FRMD1: variants seen among roughly 807,000 people sequenced by gnomAD.
FRMD1 encodes the protein FERM domain containing 1, also known as FERM domain-containing protein 1.
In FRMD1, 51 loss-of-function variants were observed where a neutral mutation model predicts 54.9. The observed-to-expected ratio is 0.93, with a 90% CI of 0.74 to 1.17. FRMD1 has a LOEUF of 1.17. Ranked by LOEUF, FRMD1 falls within the 50% of genes most tolerant of loss-of-function variation. FRMD1 has a pLI of 0.00. For synonymous variants in FRMD1, 324 were observed against 306.4 expected (o/e 1.06, Z -0.60); for missense variants, 729 against 743.0 (o/e 0.98, Z 0.22).
Position 168,056,959 on chromosome 6 carries a change from C to T in FRMD1, c.*138G>A. 1 of 1,065,886 alleles carries T rather than the reference C, an allele frequency of 9.4e-7. No homozygotes were observed. Among genetic ancestry groups the T allele is most frequent in the Non-Finnish European group, 1.3e-6 (1 of 789,340 alleles). The allele number at this position is 1,065,886 out of a possible 1,614,324, so 66.0% of individuals were successfully genotyped here. A position where few individuals can be genotyped will look rare whatever the true frequency, so the allele number is the denominator to read the frequency against. On this transcript the variant is annotated 3_prime_UTR_variant, in exon 11 of 11. Transcript: ENST00000283309. ...GTCAGAGCCAGCTCCACACCTCTTA[C>T]AGGTGAACCTGTGGAGCGTGCTGGC...
At chr6:168,077,315 C>T (rs923440028) in intron 1 of FRMD1, among the ~76,000 whole-genome samples, 13 of 150,210 alleles carry the variant, frequency 8.7e-5, no homozygotes, top group East Asian at 2.0e-4. Context: ...CAGACATAGA[C>T]GACTGCAAAC....
Position 168,060,804 on chromosome 6 carries a change from G to A in FRMD1, c.1299C>T (p.Pro433=), listed in dbSNP as rs1345304749. Residue 433 remains proline (P), a synonymous_variant, in exon 9 of 11, where the codon CCC becomes CCT. Coordinates refer to ENST00000283309, the MANE Select transcript of FRMD1 (RefSeq NM_024919.6). ...GLHEKEPSSS[P]RTSRSHPSTR... ...TGCTGGGGTGGCTGCGGCTGGTCCT[G>A]GGGCTGGAGGACGGCTCCTTCTCAT... is the stretch of plus-strand genomic sequence containing the variant. 1.9e-6 allele frequency: 3 copies of A among 1,612,852 alleles called. No individual in the cohort carries two copies. Among genetic ancestry groups the A allele is most frequent in the African/African-American group, 2.7e-5 (2 of 74,916 alleles).
chr6:168,067,307 C>T (rs529700015), intron 3 of FRMD1, 60 bp downstream of exon 3: 16 of 1,108,600 alleles, frequency 1.4e-5, no homozygotes, highest in East Asian at 2.4e-5. Context: ...CACGTGTCCC[C>T]GTGGCCCAGC....
Position 168,068,957 on chromosome 6 carries a change from G to C in FRMD1, c.305-1511C>G, listed in dbSNP as rs147140574. Among the ~76,000 whole-genome samples, 52 of 152,326 alleles carry C rather than the reference G, an allele frequency of 3.4e-4. No individual in the cohort carries two copies. The East Asian group carries it at 9.8e-3, about 29-fold the overall frequency. On this transcript the variant is annotated intron_variant, in intron 2 of 10. Coordinates refer to ENST00000283309, the MANE Select transcript of FRMD1 (RefSeq NM_024919.6). ...TTAGTACCTGGCTCTTCTAGACGGC[G>C]TTAGACCCAGGGGGAGGCTCCAAGG...
At chr6:168,077,899 T>A (rs997916612) in intron 1 of FRMD1, among the ~76,000 whole-genome samples, 3 of 152,182 alleles carry the variant, frequency 2.0e-5, no homozygotes, top group Non-Finnish European at 4.4e-5. Context: ...CAACTCCAGC[T>A]TCTCGTTGCT....
chr6:168,073,136 A>G (rs1178765221), intron 2 of FRMD1, among the ~76,000 whole-genome samples: 1 of 152,194 alleles, frequency 6.6e-6, no homozygotes, highest in Non-Finnish European at 1.5e-5. Flanking sequence ...CAAGACTGAC[A>G]TCTGCTGCTC....
At chr6:168,089,431 C>T (rs1013948888) in intron 1 of FRMD1, among the ~76,000 whole-genome samples, 92 of 152,358 alleles carry the variant, frequency 6.0e-4, no homozygotes, top group African/African-American at 2.0e-3. Context: ...GTTCAGGGAC[C>T]AGCCTTGAGA....
At chr6:168,073,980 C>T (rs532535242) in intron 2 of FRMD1, among the ~76,000 whole-genome samples, 1 of 152,216 alleles carries the variant, frequency 6.6e-6, no homozygotes, top group Non-Finnish European at 1.5e-5. Context: ...TCATCTCCAT[C>T]TGTCCATGCC....
At chr6:168,068,689 A>T (rs2114989532) in intron 2 of FRMD1, among the ~76,000 whole-genome samples, 1 of 152,360 alleles carries the variant, frequency 6.6e-6, no homozygotes, top group East Asian at 1.9e-4. Context: ...ACTCTTATTT[A>T]TATTAGAAAA....
intron 1 of FRMD1, chr6:168,076,006 C>T (rs1470823073): frequency 3.4e-6 from 3 of 890,844 alleles, no homozygotes; most frequent in Non-Finnish European, 3.4e-6. Context: ...TACTTCACGC[C>T]TGTTCAGCCC....
chr6:168,057,304 C>T lies in FRMD1; in HGVS notation c.1443G>A (p.Gln481=). ...GCATGTCGTCCAGGCCATGGCTGTG[C>T]TGCTCCTCACTGACCCCGGCTGTCA... ...QEMTAGVSEE[Q]HSHGLDDMQL... Residue 481 remains glutamine, a synonymous_variant, in exon 11 of 11, where the codon CAG becomes CAA. Coordinates refer to ENST00000283309, the MANE Select transcript of FRMD1 (RefSeq NM_024919.6). The T allele has an allele frequency of 3.1e-6, 5 of 1,611,952 alleles. No homozygotes were observed. Among genetic ancestry groups the T allele is most frequent in the Non-Finnish European group, 4.2e-6 (5 of 1,179,758 alleles).
At chr6:168,065,920 G>A (rs1800003213) in intron 4 of FRMD1, 2 of 1,000,160 alleles carry the variant, frequency 2.0e-6, no homozygotes, top group African/African-American at 1.7e-5. Flanking sequence ...TGTTCTGGAA[G>A]TAAGTCTCAG....
At chr6:168,077,997 A>C (rs1351380264) in intron 1 of FRMD1, among the ~76,000 whole-genome samples, 1 of 152,204 alleles carries the variant, frequency 6.6e-6, no homozygotes, top group Admixed American at 6.5e-5. Context: ...CCCGAAGCAG[A>C]CAAGAGACTC....
intron 1 of FRMD1, among the ~76,000 whole-genome samples, chr6:168,089,554 G>C (rs1216136706): frequency 6.6e-6 from 1 of 152,200 alleles, no homozygotes; most frequent in Non-Finnish European, 1.5e-5. Context: ...TGTTTATCAC[G>C]CACACTGTTT....
chr6:168,074,565 G>A (rs1800474908), intron 2 of FRMD1, among the ~76,000 whole-genome samples: 1 of 150,580 alleles, frequency 6.6e-6, no homozygotes, highest in Admixed American at 6.6e-5. Flanking sequence ...GCATGTGTGT[G>A]GTTTGTGCAT....
intron 4 of FRMD1, chr6:168,065,430 C>T (rs1040393109): frequency 2.0e-6 from 2 of 1,024,034 alleles, no homozygotes; most frequent in East Asian, 9.2e-5. Context: ...ACTTGAATCC[C>T]TGGATGTGGA....
intron 4 of FRMD1, 131 bp downstream of exon 4, chr6:168,066,624 G>T (rs1157366776): frequency 7.0e-7 from 1 of 1,438,546 alleles, no homozygotes; most frequent in East Asian, 2.6e-5. Context: ...AGCCGATATA[G>T]TGGGGTTGTT....
intron 4 of FRMD1, chr6:168,065,731 A>G (rs1273422562): frequency 1.0e-6 from 1 of 987,660 alleles, no homozygotes; most frequent in East Asian, 1.1e-4. Context: ...ACAACCACAC[A>G]CCTTTCACTC....
At chr6:168,065,244 C>T (rs960389528) in intron 4 of FRMD1, 187 bp from the exon 5 acceptor site, 4 of 1,363,336 alleles carry the variant, frequency 2.9e-6, no homozygotes, top group Non-Finnish European at 3.8e-6. Context: ...CACACTCTTC[C>T]TGGAGCGGGG....
Sources: allele counts gnomAD v4.1 joint callset (sites outside exome capture counted in the v4.1 genomes callset), GRCh38; gene constraint gnomAD v4.1.1; transcripts MANE v1.5; gene names NCBI Gene and HGNC (gene_info 2026-07-23, HGNC 2026-07-21).